The following MPP7 variants were observed in gnomAD, a reference collection of about 807,000 sequenced individuals.
MPP7 encodes the protein MAGUK p55 scaffold protein 7.
A neutral mutation model predicts 76.5 loss-of-function variants in MPP7; 60 were observed. The observed-to-expected ratio is 0.78, with a 90% confidence interval of 0.64 to 0.97. The LOEUF is 0.97. MPP7 is among the 50% of genes least tolerant of loss of function. The probability of loss-of-function intolerance (pLI) is 0.00; values close to 1 mark genes in which losing one functional copy is unlikely to be tolerated. For synonymous variants in MPP7, 237 were observed against 244.5 expected, an observed-to-expected ratio of 0.97 and a Z score of 0.29; for missense variants, 641 against 694.0, an observed-to-expected ratio of 0.92 and a Z score of 0.86.
intron 5 of MPP7, among the ~76,000 whole-genome samples, chr10:28,146,698 C>T (rs1000234047): frequency 6.6e-6 from 1 of 152,162 alleles, no homozygotes; most frequent in Non-Finnish European, 1.5e-5. Context: ...TCATTCAACA[C>T]TCTACATATG....
chr10:28,195,549 G>A (rs1438320503), intron 3 of MPP7, among the ~76,000 whole-genome samples: 1 of 152,166 alleles, frequency 6.6e-6, no homozygotes, highest in East Asian at 1.9e-4. Context: ...ATGTTATTCA[G>A]TCATAAAAAG....
At chr10:28,290,138 C>T (rs1328143596) in intron 1 of MPP7, among the ~76,000 whole-genome samples, 1 of 152,096 alleles carries the variant, frequency 6.6e-6, no homozygotes, top group Non-Finnish European at 1.5e-5. Flanking sequence ...ATTTCTAATG[C>T]TATTACGCTA....
At chr10:28,186,068 C>T (rs185356543) in intron 3 of MPP7, among the ~76,000 whole-genome samples, 6 of 152,162 alleles carry the variant, frequency 3.9e-5, no homozygotes, top group East Asian at 1.9e-4. Flanking sequence ...CAGTATTGGC[C>T]GGGAGTGGTG....
chr10:28,070,890 T>C (rs560908566), intron 12 of MPP7, among the ~76,000 whole-genome samples: 1 of 152,310 alleles, frequency 6.6e-6, no homozygotes, highest in Non-Finnish European at 1.5e-5. Flanking sequence ...GTCCCCCCTT[T>C]CCAGCATTGC....
chr10:28,174,762 G>A (rs1208324816), intron 3 of MPP7, among the ~76,000 whole-genome samples: 1 of 152,076 alleles, frequency 6.6e-6, no homozygotes. Flanking sequence ...ACACATTCAG[G>A]CAAAGACCTG....
intron 11 of MPP7, among the ~76,000 whole-genome samples, chr10:28,105,521 A>G (rs1276974195): frequency 6.6e-6 from 1 of 152,060 alleles, no homozygotes; most frequent in Admixed American, 6.6e-5. Context: ...AATTATTATT[A>G]TTTTGAGACA....
chr10:28,320,148 C>T (rs531280519), intron 2 of MPP7, among the ~76,000 whole-genome samples: 50 of 152,064 alleles, frequency 3.3e-4, no homozygotes, highest in African/African-American at 9.6e-4. Context: ...GAGAGATCAA[C>T]AGGAATTGAA....
Position 28,264,363 on chromosome 10 carries a change from C to T in MPP7, c.-131-25628G>A, listed in dbSNP as rs77260979. 7.0e-3 allele frequency among the ~76,000 whole-genome samples: 1,061 copies of T among 152,042 alleles called. 10 individuals are homozygous for T. The highest frequency in any genetic ancestry group is 9.4e-3 in the Non-Finnish European group (637 of 67,974). On this transcript the variant is annotated intron_variant, in intron 1 of 16. Transcript: ENST00000683449. ...ACAGGGACAAAGAGGAGCATCAGAG[C>T]CAGGAATGACTGGCAAAAAAATAAG...
At chr10:28,165,893 C>T (rs934987019) in intron 3 of MPP7, among the ~76,000 whole-genome samples, 5 of 151,934 alleles carry the variant, frequency 3.3e-5, no homozygotes, top group Admixed American at 2.6e-4. Flanking sequence ...GGCGTGGTGG[C>T]GCATGCCTGT....
intron 1 of MPP7, among the ~76,000 whole-genome samples, chr10:28,297,620 A>T (rs1414805026): frequency 1.3e-5 from 2 of 152,148 alleles, no homozygotes; most frequent in African/African-American, 4.8e-5. Flanking sequence ...AATCTCTTAA[A>T]CCTGGGAGGC....
intron 11 of MPP7, chr10:28,118,631 A>T (rs1227664054): frequency 4.1e-6 from 4 of 985,290 alleles, no homozygotes; most frequent in Non-Finnish European, 4.8e-6. Flanking sequence ...ATGTCAGAAG[A>T]CTTGTAGCAT....
In MPP7 at chr10:28,189,570, C is replaced by CAAAAAA. The variant is rs59436299; in HGVS notation, c.156+12577_156+12582dup. Among the ~76,000 whole-genome samples, 3 of 69,520 alleles carry CAAAAAA rather than the reference C, an allele frequency of 4.3e-5. 1 individual carries two copies. The highest frequency in any genetic ancestry group is 8.4e-5 in the Non-Finnish European group (3 of 35,726). 45.6% of individuals were successfully genotyped at this position (69,520 alleles called of 152,430 possible). A position where few individuals can be genotyped will look rare whatever the true frequency, so the allele number is the denominator to read the frequency against. The stretch of plus-strand genomic sequence containing the variant: ...AGGGAGACAGAGCAAGACCCTGTCT[C>CAAAAAA]AAAAAAAAAAAAAAAAAAAAAAAAA... On this transcript the variant is annotated intron_variant, in intron 3 of 16. Coordinates refer to ENST00000683449, the MANE Select transcript of MPP7 (RefSeq NM_001318170.2).
At chr10:28,114,849 T>C (rs928927979) in intron 11 of MPP7, among the ~76,000 whole-genome samples, 4 of 152,218 alleles carry the variant, frequency 2.6e-5, no homozygotes, top group East Asian at 1.9e-4. Flanking sequence ...TCTACTCTGA[T>C]AGTGTTTGAG....
At chr10:28,100,980 A>G (rs1853798810) in intron 11 of MPP7, among the ~76,000 whole-genome samples, 2 of 152,162 alleles carry the variant, frequency 1.3e-5, no homozygotes, top group African/African-American at 2.4e-5. Context: ...CTTCAAAATT[A>G]TGAGAAAATA....
At chr10:28,304,949 T>C (rs1841242637), upstream of MPP7, among the ~76,000 whole-genome samples, 1 of 146,796 alleles carries the variant, frequency 6.8e-6, no homozygotes, top group Admixed American at 6.8e-5. Context: ...CAGCTGTTTT[T>C]ATCAGAAGAT....
chr10:28,180,535 T>G (rs779414757), intron 3 of MPP7, among the ~76,000 whole-genome samples: 3 of 152,264 alleles, frequency 2.0e-5, no homozygotes, highest in Non-Finnish European at 4.4e-5. Flanking sequence ...TTATTTTAAT[T>G]TCTACATCAC....
chr10:28,189,765 A>G (rs917518485), intron 3 of MPP7, among the ~76,000 whole-genome samples: 1 of 152,048 alleles, frequency 6.6e-6, no homozygotes, highest in African/African-American at 2.4e-5. Context: ...AAAATCTTAG[A>G]AACTAACAAG....
intron 1 of MPP7, among the ~76,000 whole-genome samples, chr10:28,266,559 G>A (rs1324497600): frequency 6.6e-6 from 1 of 152,040 alleles, no homozygotes; most frequent in Non-Finnish European, 1.5e-5. Flanking sequence ...GACAGAGTGA[G>A]ACCCTGACTT....
intron 2 of MPP7, among the ~76,000 whole-genome samples, chr10:28,311,757 A>AAT (rs1554869957): frequency 8.6e-6 from 1 of 116,002 alleles, no homozygotes; most frequent in African/African-American, 3.5e-5. Context: ...TAGATGTGTT[A>AAT]ATACACACAC....
Sources: gnomAD v4.1 joint callset for allele counts (sites outside exome capture counted in the v4.1 genomes callset) on GRCh38, gnomAD v4.1.1 for gene constraint, MANE v1.5 for transcripts, NCBI Gene and HGNC (gene_info 2026-07-23, HGNC 2026-07-21) for gene names.